CNTRL: variants seen among roughly 807,000 people sequenced by gnomAD.
The protein encoded by CNTRL is 110 kDa centrosomal protein.
In CNTRL, 233 loss-of-function variants were observed where a neutral mutation model predicts 303.7. The observed-to-expected ratio is 0.77, with a 90% CI of 0.69 to 0.86. The LOEUF is 0.86. Ranked by LOEUF, CNTRL falls within the 40% of genes least tolerant of loss-of-function variation. The probability of loss-of-function intolerance (pLI) is 0.00; values close to 1 mark genes in which losing one functional copy is unlikely to be tolerated. For missense variants in CNTRL, 2,524 were observed against 2,650.6 expected, an observed-to-expected ratio of 0.95 and a Z score of 1.05; for synonymous variants, 900 against 922.2, an observed-to-expected ratio of 0.98 and a Z score of 0.44.
chr9:121,143,670 C>A (rs1181515047), intron 19 of CNTRL, among the ~76,000 whole-genome samples: 1 of 152,164 alleles, frequency 6.6e-6, no homozygotes, highest in African/African-American at 2.4e-5. Flanking sequence ...AATGTTTTTC[C>A]AATGAATGGA....
intron 31 of CNTRL, among the ~76,000 whole-genome samples, chr9:121,159,584 G>A (rs750394603): frequency 6.6e-6 from 1 of 151,680 alleles, no homozygotes; most frequent in Non-Finnish European, 1.5e-5. Flanking sequence ...AGTGAGCCGA[G>A]ATTGCACCAC....
chr9:121,094,038 A>G (rs2132461635), intron 4 of CNTRL, among the ~76,000 whole-genome samples: 1 of 152,164 alleles, frequency 6.6e-6, no homozygotes, highest in Admixed American at 6.5e-5. Flanking sequence ...TGAACCCGAG[A>G]GGCAGAGGTT....
At chr9:121,143,473 A>T (rs1317275954) in intron 19 of CNTRL, among the ~76,000 whole-genome samples, 1 of 152,148 alleles carries the variant, frequency 6.6e-6, no homozygotes, top group East Asian at 1.9e-4. Context: ...TCTTAGGAGT[A>T]AGACCAAAAT....
chr9:121,116,172 C>T (rs2049966966), intron 11 of CNTRL, among the ~76,000 whole-genome samples: 1 of 152,148 alleles, frequency 6.6e-6, no homozygotes, highest in South Asian at 2.1e-4. Context: ...ACAAAGGCCT[C>T]TCTGAAGAGG....
rs1289187661 is a variant in CNTRL, at chr9:121,168,230, C to T, written c.5979C>T (p.Leu1993=). 11 of 1,614,030 alleles carry T rather than the reference C, an allele frequency of 6.8e-6. No individual in the cohort carries two copies. The highest frequency in any genetic ancestry group is 8.5e-6 in the Non-Finnish European group (10 of 1,180,034). ...TDQKSKLDQV[L]SKVLAAEERV... is the part of the protein sequence containing the mutation. ...AGAAAAGCAAACTGGACCAAGTGCT[C>T]TCAAAGGTGCTGGCAGCTGAAGAGC... is the stretch of plus-strand genomic sequence containing the variant. The change falls in exon 38 of 44, where the codon CTC becomes CTT. Residue 1993 remains leucine, a synonymous_variant. Transcript: ENST00000373855.
At chr9:121,098,809 G>A (rs114118812) in intron 7 of CNTRL, among the ~76,000 whole-genome samples, 2,868 of 144,422 alleles carry the variant, frequency 0.02, 92 homozygotes, top group African/African-American at 0.067. Flanking sequence ...TGCAGCTTAT[G>A]TTTTGGCAGA....
rs2051746678 is a variant in CNTRL, at chr9:121,144,897, C to G, written c.3106C>G (p.Leu1036Val). 2 of 1,613,386 alleles carry G rather than the reference C, an allele frequency of 1.2e-6. No homozygotes were observed. The highest frequency in any genetic ancestry group is 2.7e-5 in the African/African-American group (2 of 74,880). ...SRKAAQAARD[L>V]TRAEAEIELL... Reference sequence around the variant, plus strand: ...AAAGGCAGCACAAGCAGCCAGAGATCTCACCCGAGCAGAAGCTGAGATCGA... The same window carrying G: ...AAAGGCAGCACAAGCAGCCAGAGATGTCACCCGAGCAGAAGCTGAGATCGA... The change falls in exon 21 of 44, where the codon CTC (leucine) becomes GTC (valine). Residue 1036 changes from leucine to valine, a missense_variant. Leu to Val is a conservative substitution (Grantham distance 32). Coordinates refer to ENST00000373855, the MANE Select transcript of CNTRL (RefSeq NM_007018.6).
At chr9:121,090,542 A>C in intron 4 of CNTRL, 137 bp downstream of exon 4, 1 of 768,314 alleles carries the variant, frequency 1.3e-6, no homozygotes, top group Non-Finnish European at 2.0e-6. Flanking sequence ...TCTAAATCAG[A>C]AGTATATGAC....
At position 121,171,403 on chromosome 9, in the gene CNTRL, G is replaced by C. The variant is rs376684741; in HGVS notation, c.6277-5G>C. On this transcript the variant is annotated splice_polypyrimidine_tract_variant and splice_region_variant and intron_variant, in intron 39 of 43. Transcript: ENST00000373855. ...CGCAGAGTTATTTTCTTCCTCCTGT[G>C]CTAGGAGCAAAAACAGGAGAACAGC... The C allele has an allele frequency of 1.2e-6, 2 of 1,613,664 alleles. No homozygotes were observed. The highest frequency in any genetic ancestry group is 2.7e-5 in the African/African-American group (2 of 74,896).
At chr9:121,135,380 A>G (rs1439390490) in intron 14 of CNTRL, among the ~76,000 whole-genome samples, 3 of 152,236 alleles carry the variant, frequency 2.0e-5, no homozygotes, top group African/African-American at 7.2e-5. Context: ...TCATTCTACA[A>G]TTCCTCATCT....
intron 7 of CNTRL, among the ~76,000 whole-genome samples, chr9:121,106,334 G>A (rs777486136): frequency 3.3e-4 from 23 of 69,796 alleles, no homozygotes; most frequent in South Asian, 1.0e-3. Context: ...GCGAGACTCC[G>A]TCCAAAAAAA....
In CNTRL at chr9:121,171,235, G is replaced by C; in HGVS notation, c.6277-173G>C. 4.3e-6 allele frequency: 3 copies of C among 702,940 alleles called. No homozygotes were observed. The South Asian group carries it at 4.5e-5, about 11-fold the overall frequency. The allele number at this position is 702,940 out of a possible 1,614,324, so 43.5% of individuals were successfully genotyped here. ...CTAACAGACTCTGACGTGTATATAC[G>C]CCCAGCTGTATTTGATCTGCCCATG... On this transcript the variant is annotated intron_variant, in intron 39 of 43. Coordinates refer to ENST00000373855, the MANE Select transcript of CNTRL (RefSeq NM_007018.6).
chr9:121,082,211 G>C (rs930351324), intron 2 of CNTRL, among the ~76,000 whole-genome samples: 1 of 152,196 alleles, frequency 6.6e-6, no homozygotes, highest in African/African-American at 2.4e-5. Context: ...AGCATTTATG[G>C]ATAGAAAAGG....
rs143408427 is a variant in CNTRL at position 121,140,839 on chromosome 9, T to C, written c.2483+53T>C. On this transcript the variant is annotated intron_variant, in intron 17 of 43. Transcript: ENST00000373855. ...TAGAGTGGGCCTCACAACTTGAGAG[T>C]TGTGAGTGTGAGGTTCAATGATAAA... The C allele has an allele frequency of 3.4e-4, 520 of 1,550,554 alleles. 1 individual carries two copies. In the East Asian group the frequency reaches 4.7e-3, roughly 14 times the overall value.
In CNTRL at chr9:121,075,686, T is replaced by C. The variant is rs572635346; in HGVS notation, c.-205+619T>C. Among the ~76,000 whole-genome samples the C allele has an allele frequency of 7.8e-4, 119 of 152,316 alleles. 2 individuals carry two copies. Among genetic ancestry groups the C allele is most frequent in the African/African-American group, 2.6e-3 (110 of 41,582 alleles). ...ATATGTGTCTGAGCCTTCCTGATCA[T>C]GTTTCCTCATTTGTCCAAATAATTG... On this transcript the variant is annotated intron_variant, in intron 1 of 43. Coordinates refer to ENST00000373855, the MANE Select transcript of CNTRL (RefSeq NM_007018.6).
rs755790416 is a variant in CNTRL at position 121,160,264 on chromosome 9, T to C, written c.5051T>C (p.Leu1684Pro). ...GAAATTGAAAAAGAGGAAGAAAATC[T>C]TCAGGTTGTTTTAAGGCAGATGTCT... ...KQEIEKEEENLQVVLRQMSKH... is the reference protein window; with the variant it reads ...KQEIEKEEENPQVVLRQMSKH... Residue 1684 changes from leucine (L) to proline (P), a missense_variant, in exon 32 of 44, where the codon CTT becomes CCT. Leu to Pro is a moderately conservative substitution (Grantham distance 98, BLOSUM62 -3). Transcript: ENST00000373855. 1.3e-6 allele frequency: 2 copies of C among 1,551,182 alleles called. No homozygotes were observed. The highest frequency in any genetic ancestry group is 2.8e-5 in the African/African-American group (2 of 71,548).
At position 121,152,506 on chromosome 9, in the gene CNTRL, G is replaced by A. The variant is rs1278018096; in HGVS notation, c.3985G>A (p.Glu1329Lys). The part of the protein sequence containing the change: ...HNLENEVSRL[E>K]DIMQHLKSKK... ...TCAGGAGAATGAAGTTTCTAGATTA[G>A]AAGACATAATGCAGCATTTAAAATC... The change falls in exon 26 of 44, where the codon GAA (glutamate) becomes AAA (lysine). Residue 1329 changes from glutamate to lysine, a missense_variant. Coordinates refer to ENST00000373855, the MANE Select transcript of CNTRL (RefSeq NM_007018.6). The A allele has an allele frequency of 6.2e-7, 1 of 1,613,952 alleles. No individual in the cohort carries two copies. Among genetic ancestry groups the A allele is most frequent in the Non-Finnish European group, 8.5e-7 (1 of 1,179,916 alleles).
chr9:121,123,674 G>A (rs927508480), intron 12 of CNTRL, among the ~76,000 whole-genome samples: 1 of 152,064 alleles, frequency 6.6e-6, no homozygotes, highest in Non-Finnish European at 1.5e-5. Context: ...GACCTACCTA[G>A]CTGTGCCCTT....
At chr9:121,085,037 T>C (rs2048292036) in intron 2 of CNTRL, among the ~76,000 whole-genome samples, 2 of 152,252 alleles carry the variant, frequency 1.3e-5, no homozygotes, top group African/African-American at 2.4e-5. Context: ...TTCAATAAAA[T>C]TGATTTTGTA....
Sources: gnomAD v4.1 joint callset for allele counts (sites outside exome capture counted in the v4.1 genomes callset) on GRCh38, gnomAD v4.1.1 for gene constraint, MANE v1.5 for transcripts, NCBI Gene and HGNC (gene_info 2026-07-23, HGNC 2026-07-21) for gene names.